XKR4: variants seen among roughly 807,000 people sequenced by gnomAD.
XKR4 encodes the protein XK related 4.
XKR4 carries 12 observed loss-of-function variants against 53.9 expected under a neutral mutation model. That is an observed-to-expected ratio of 0.22 (90% CI 0.14 to 0.36). XKR4 has a LOEUF of 0.36. Among genes scored for constraint, XKR4 ranks in the 10% least tolerant of loss-of-function variants. The probability of loss-of-function intolerance (pLI) is 1.00; values close to 1 mark genes in which losing one functional copy is unlikely to be tolerated. For missense variants in XKR4, 799 were observed against 859.5 expected (o/e 0.93, Z 0.88); for synonymous variants, 354 against 362.4 (o/e 0.98, Z 0.26).
intron 1 of XKR4, among the ~76,000 whole-genome samples, chr8:55,356,444 G>A (rs932784237): frequency 6.6e-6 from 1 of 152,080 alleles, no homozygotes; most frequent in Non-Finnish European, 1.5e-5. Context: ...GACATGGAAG[G>A]ATAATCCATG....
intron 1 of XKR4, among the ~76,000 whole-genome samples, chr8:55,307,386 C>G (rs919095060): frequency 6.6e-6 from 1 of 152,164 alleles, no homozygotes; most frequent in Non-Finnish European, 1.5e-5. Flanking sequence ...GTGGCTCACA[C>G]CTGTAATAAT....
intron 1 of XKR4, among the ~76,000 whole-genome samples, chr8:55,232,915 A>T (rs572574200): frequency 1.3e-5 from 2 of 152,120 alleles, no homozygotes; most frequent in East Asian, 1.9e-4. Flanking sequence ...GCTCTGTGTG[A>T]CCCTTGCTCT....
intron 2 of XKR4, among the ~76,000 whole-genome samples, chr8:55,398,115 T>C (rs1804548740): frequency 6.6e-6 from 1 of 152,216 alleles, no homozygotes; most frequent in Non-Finnish European, 1.5e-5. Context: ...ACCAGGGATA[T>C]GCGCACTTTC....
chr8:55,487,768 G>T (rs1383045911), intron 2 of XKR4, among the ~76,000 whole-genome samples: 2 of 152,106 alleles, frequency 1.3e-5, no homozygotes, highest in African/African-American at 4.8e-5. Context: ...CCACTACCTA[G>T]TTACTCCTTA....
At position 55,438,595 on chromosome 8, in the gene XKR4, A is replaced by C. The variant is rs548596759; in HGVS notation, c.1006+80718A>C. Among the ~76,000 whole-genome samples, 74 of 151,238 alleles carry C rather than the reference A, an allele frequency of 4.9e-4. 1 individual carries two copies. The highest frequency in any genetic ancestry group is 1.8e-4 in the Non-Finnish European group (12 of 67,746). On this transcript the variant is annotated intron_variant, in intron 2 of 2. Transcript: ENST00000327381. ...ACAGAGCAAGACTCCATCTTGAAAA[A>C]AAAAAAAAAAAAGAGAGAGAGACTT...
At chr8:55,361,168 C>T (rs1803898254) in intron 2 of XKR4, among the ~76,000 whole-genome samples, 1 of 152,218 alleles carries the variant, frequency 6.6e-6, no homozygotes, top group African/African-American at 2.4e-5. Flanking sequence ...GCTGTACCTG[C>T]ACAGGTAGTG....
At chr8:55,359,321 C>T (rs747411174) in intron 2 of XKR4, among the ~76,000 whole-genome samples, 35 of 152,224 alleles carry the variant, frequency 2.3e-4, no homozygotes, top group Admixed American at 3.9e-4. Context: ...CTTAATCTCT[C>T]TGGGCCCCAG....
chr8:55,212,115 G>GAA (rs752591849), intron 1 of XKR4, among the ~76,000 whole-genome samples: 1 of 133,586 alleles, frequency 7.5e-6, no homozygotes, highest in East Asian at 2.2e-4. Context: ...GTGTCTGGGT[G>GAA]AAAAAAAAAA....
chr8:55,443,698 G>A lies in XKR4; in HGVS notation c.1007-79583G>A, dbSNP rs563334810. Among the ~76,000 whole-genome samples, 22 of 151,476 alleles carry A rather than the reference G, an allele frequency of 1.5e-4. No individual in the cohort carries two copies. The South Asian group carries it at 2.1e-3, about 14-fold the overall frequency. Reference sequence around the variant, plus strand: ...CTCTACTAAAATACAAAAAAGAGCCGGGCATGGTGGCCTGTGCCTGTAGTC... The same window carrying A: ...CTCTACTAAAATACAAAAAAGAGCCAGGCATGGTGGCCTGTGCCTGTAGTC... On this transcript the variant is annotated intron_variant, in intron 2 of 2. Coordinates refer to ENST00000327381, the MANE Select transcript of XKR4 (RefSeq NM_052898.2).
intron 2 of XKR4, 87 bp downstream of exon 2, chr8:55,357,964 T>G: frequency 3.0e-6 from 4 of 1,349,504 alleles, no homozygotes; most frequent in Non-Finnish European, 4.1e-6. Flanking sequence ...CTAATGCCCT[T>G]TGTTGACACA....
intron 1 of XKR4, among the ~76,000 whole-genome samples, chr8:55,297,215 G>A (rs2129376255): frequency 6.6e-6 from 1 of 152,198 alleles, no homozygotes; most frequent in Middle Eastern, 3.4e-3. Context: ...CAAGAGCTTG[G>A]GGAGCACATT....
At chr8:55,360,857 T>C (rs757997359) in intron 2 of XKR4, among the ~76,000 whole-genome samples, 62 of 152,328 alleles carry the variant, frequency 4.1e-4, no homozygotes, top group Non-Finnish European at 6.9e-4. Flanking sequence ...TCTCCTTCCT[T>C]ATGTAGTCAC....
intron 1 of XKR4, among the ~76,000 whole-genome samples, chr8:55,224,776 T>C (rs574063976): frequency 2.0e-4 from 31 of 152,314 alleles, no homozygotes; most frequent in Non-Finnish European, 4.3e-4. Flanking sequence ...TCCTAAATGT[T>C]TATTATCCCA....
At chr8:55,437,208 T>C (rs1271749638) in intron 2 of XKR4, among the ~76,000 whole-genome samples, 1 of 152,162 alleles carries the variant, frequency 6.6e-6, no homozygotes, top group Admixed American at 6.6e-5. Flanking sequence ...ATTTTATTCT[T>C]TTTAATTTAT....
At chr8:55,335,449 A>T (rs1410857461) in intron 1 of XKR4, among the ~76,000 whole-genome samples, 1 of 152,236 alleles carries the variant, frequency 6.6e-6, no homozygotes, top group Admixed American at 6.5e-5. Flanking sequence ...AAATATTTTT[A>T]ACAAAATATC....
intron 2 of XKR4, among the ~76,000 whole-genome samples, chr8:55,387,287 T>C (rs1464995052): frequency 6.6e-6 from 1 of 152,204 alleles, no homozygotes; most frequent in African/African-American, 2.4e-5. Context: ...TAAAACCTCC[T>C]GGGGATCTGC....
chr8:55,417,749 T>A (rs1268966843), intron 2 of XKR4, among the ~76,000 whole-genome samples: 1 of 152,220 alleles, frequency 6.6e-6, no homozygotes, highest in Admixed American at 6.5e-5. Context: ...GCATAACGAA[T>A]GTTCATGCAC....
At position 55,460,988 on chromosome 8, in the gene XKR4, T is replaced by A. The variant is rs981640222; in HGVS notation, c.1007-62293T>A. On this transcript the variant is annotated intron_variant, in intron 2 of 2. Coordinates refer to ENST00000327381, the MANE Select transcript of XKR4 (RefSeq NM_052898.2). ...AGGTAAACAAAGTGGCCTGGAAGCT[T>A]GAACTGGGTGAGCCCACCACAGCTC... is the stretch of plus-strand genomic sequence containing the variant. 2.0e-5 allele frequency among the ~76,000 whole-genome samples: 3 copies of A among 152,330 alleles called. 1 individual carries two copies. The highest frequency in any genetic ancestry group is 2.0e-4 in the Admixed American group (3 of 15,308).
At chr8:55,194,097 A>C (rs924808321) in intron 1 of XKR4, among the ~76,000 whole-genome samples, 1 of 152,172 alleles carries the variant, frequency 6.6e-6, no homozygotes, top group Non-Finnish European at 1.5e-5. Flanking sequence ...TCCATCAGTG[A>C]GCCACTCTCT....
Sources: gnomAD v4.1 joint callset for allele counts (sites outside exome capture counted in the v4.1 genomes callset) on GRCh38, gnomAD v4.1.1 for gene constraint, MANE v1.5 for transcripts, NCBI Gene and HGNC (gene_info 2026-07-23, HGNC 2026-07-21) for gene names.